The following ANKMY1 variants were observed in gnomAD, a reference collection of about 807,000 sequenced individuals.
ANKMY1 encodes the protein ankyrin repeat and MYND domain containing 1, also known as ankyrin repeat and MYND domain-containing protein 1.
ANKMY1 carries 98 observed loss-of-function variants against 102.0 expected under a neutral mutation model. That is an observed-to-expected ratio of 0.96 (90% confidence interval 0.82 to 1.14). The LOEUF (loss-of-function observed/expected upper bound fraction) is 1.14, where lower values mean the gene tolerates loss of function less well. ANKMY1 is among the 50% of genes most tolerant of loss of function. The pLI, the probability that ANKMY1 is intolerant of heterozygous loss-of-function variation, is 0.00. For synonymous variants in ANKMY1, 582 were observed against 559.9 expected (o/e 1.04, Z -0.56); for missense variants, 1,330 against 1,347.6 (o/e 0.99, Z 0.20).
Position 240,499,823 on chromosome 2 carries a change from A to G in ANKMY1, c.2806+135T>C. The stretch of plus-strand genomic sequence containing the variant: ...CCTTGGACGACGGGACACAAAGGGG[A>G]CAAGCCGACGAGCCCAGCCCCAGGA... On this transcript the variant is annotated intron_variant, in intron 15 of 17. Coordinates refer to ENST00000401804, the MANE Select transcript of ANKMY1 (RefSeq NM_001282771.3). The surrounding 1 kb of genome is among the most constrained non-coding windows in gnomAD (Gnocchi z 4.2). The G allele has an allele frequency of 1.7e-6, 2 of 1,164,788 alleles. No individual in the cohort carries two copies. The highest frequency in any genetic ancestry group is 5.2e-5 in the East Asian group (2 of 38,540). The allele number at this position is 1,164,788 out of a possible 1,614,324, so 72.2% of individuals were successfully genotyped here.
At chr2:240,483,415 C>T (rs1346222106) in intron 15 of ANKMY1, among the ~76,000 whole-genome samples, 1 of 152,158 alleles carries the variant, frequency 6.6e-6, no homozygotes, top group African/African-American at 2.4e-5. Flanking sequence ...CCTCGGCCTC[C>T]CAAAGTTCTG....
intron 12 of ANKMY1, among the ~76,000 whole-genome samples, chr2:240,508,190 G>A (rs960005272): frequency 9.9e-5 from 15 of 152,254 alleles, no homozygotes; most frequent in African/African-American, 2.4e-4. Context: ...GTGCCCAGCC[G>A]CCAGCTCAGA....
chr2:240,487,048 C>T (rs1487060294), intron 15 of ANKMY1, among the ~76,000 whole-genome samples: 3 of 152,146 alleles, frequency 2.0e-5, no homozygotes, highest in African/African-American at 7.2e-5. Context: ...TAATTCTACT[C>T]TGCTCTAAAA....
chr2:240,501,151 G>C (rs145265418), intron 13 of ANKMY1, among the ~76,000 whole-genome samples: 1 of 151,778 alleles, frequency 6.6e-6, no homozygotes, highest in Non-Finnish European at 1.5e-5. Flanking sequence ...GTGGGTGAGC[G>C]TGTGTGGATA....
the ANKMY1 span, among the ~76,000 whole-genome samples, chr2:240,470,652 A>G: frequency 6.6e-6 from 1 of 152,238 alleles, no homozygotes; most frequent in African/African-American, 2.4e-5. Context: ...ACGTCAAAAT[A>G]TGCAGCATCG....
At position 240,520,819 on chromosome 2, in the gene ANKMY1, A is replaced by G. The variant is rs976217530; in HGVS notation, c.1833-286T>C. On this transcript the variant is annotated intron_variant, in intron 8 of 17. Coordinates refer to ENST00000401804, the MANE Select transcript of ANKMY1 (RefSeq NM_001282771.3). The surrounding 1 kb of genome is among the most constrained non-coding windows in gnomAD (Gnocchi z 4.8). ...CACCACACAGTACACACAGCACACA[A>G]CCCCACACACAAGCCACACCAGAGC... Among the ~76,000 whole-genome samples the G allele has an allele frequency of 6.9e-6, 1 of 145,876 alleles. No individual in the cohort carries two copies. The highest frequency in any genetic ancestry group is 1.5e-5 in the Non-Finnish European group (1 of 65,918).
chr2:240,500,472 C>T lies in ANKMY1; in HGVS notation c.2620G>A (p.Gly874Ser), dbSNP rs749895703. The T allele has an allele frequency of 1.2e-6, 2 of 1,613,938 alleles. No homozygotes were observed. Among genetic ancestry groups the T allele is most frequent in the Non-Finnish European group, 8.5e-7 (1 of 1,179,956 alleles). Residue 874 changes from glycine to serine, a missense_variant, in exon 14 of 18, where the codon GGC becomes AGC. Physicochemically the swap from Gly to Ser is moderately conservative, Grantham distance 56. Coordinates refer to ENST00000401804, the MANE Select transcript of ANKMY1 (RefSeq NM_001282771.3). ...CCTACCTGGAAGAATCTGAAGTAGC[C>T]ATAGTCCACGGCTGTGCCCACTGCC... ...KEAVGTAVDY[G>S]YFRFFQDRRI...
chr2:240,559,480 TC>T (rs2092751595), upstream of ANKMY1, among the ~76,000 whole-genome samples: 1 of 152,144 alleles, frequency 6.6e-6, no homozygotes, highest in African/African-American at 2.4e-5. Flanking sequence ...CCAAGCTCAT[TC>T]CCAGAGCAGT....
chr2:240,522,289 A>G (rs553877035), intron 8 of ANKMY1: 1 of 152,326 alleles, frequency 6.6e-6, no homozygotes, highest in South Asian at 2.1e-4. Context: ...ACCTCTCAAT[A>G]ATGCTCACCA....
chr2:240,490,854 A>C (rs1030807302), intron 15 of ANKMY1, among the ~76,000 whole-genome samples: 1 of 152,144 alleles, frequency 6.6e-6, no homozygotes, highest in Non-Finnish European at 1.5e-5. Flanking sequence ...ATTTGGTCTG[A>C]TGTCCTGTTT....
intron 13 of ANKMY1, among the ~76,000 whole-genome samples, chr2:240,501,723 C>T (rs142117135): frequency 5.9e-5 from 9 of 152,338 alleles, no homozygotes; most frequent in African/African-American, 1.7e-4. Context: ...CAGTGCGGGA[C>T]GGTGGAATGG....
chr2:240,483,036 C>G (rs567953354), intron 15 of ANKMY1, among the ~76,000 whole-genome samples: 3 of 152,172 alleles, frequency 2.0e-5, no homozygotes, highest in African/African-American at 4.8e-5. Context: ...ATAAAATGTC[C>G]CTCTTTCTCA....
chr2:240,505,777 A>T (rs981222322), intron 13 of ANKMY1, among the ~76,000 whole-genome samples: 1 of 152,214 alleles, frequency 6.6e-6, no homozygotes, highest in Admixed American at 6.5e-5. Flanking sequence ...AAGCCCAGTC[A>T]GCTGATTTCA....
chr2:240,546,375 A>G (rs2090373184), intron 4 of ANKMY1, among the ~76,000 whole-genome samples: 1 of 152,230 alleles, frequency 6.6e-6, no homozygotes, highest in African/African-American at 2.4e-5. Flanking sequence ...AAACATGGAA[A>G]GGAACAACTG....
intron 7 of ANKMY1, among the ~76,000 whole-genome samples, 178 bp from the exon 8 acceptor site, chr2:240,524,559 G>T (rs951784408): frequency 6.6e-6 from 1 of 152,200 alleles, no homozygotes; most frequent in African/African-American, 2.4e-5. Flanking sequence ...CCCTGTGAAG[G>T]CATCGGACAG....
At position 240,557,268 on chromosome 2, in the gene ANKMY1, G is replaced by A. The variant is rs2092453322; in HGVS notation, c.68C>T (p.Pro23Leu). The change falls in exon 2 of 18, where the codon CCG (proline) becomes CTG (leucine). Residue 23 changes from proline to leucine, a missense_variant. Transcript: ENST00000401804. The stretch of plus-strand genomic sequence containing the variant: ...GGTCTCGCCGCCCTTCCCCTCTAGC[G>A]GGCGTTGGCGGCTGCCAGCCCCAGA... ...EVSGAGSRQR[P>L]LEGKGGETPA... 18 of 1,593,782 alleles carry A rather than the reference G, an allele frequency of 1.1e-5. No homozygotes were observed. The African/African-American group carries it at 1.2e-4, about 11-fold the overall frequency.
Position 240,499,879 on chromosome 2 carries a change from A to T in ANKMY1, c.2806+79T>A. The T allele has an allele frequency of 6.7e-7, 1 of 1,489,456 alleles. No homozygotes were observed. Among genetic ancestry groups the T allele is most frequent in the Non-Finnish European group, 9.0e-7 (1 of 1,112,154 alleles). 92.3% of individuals were successfully genotyped at this position (1,489,456 alleles called of 1,614,324 possible). On this transcript the variant is annotated intron_variant, in intron 15 of 17. Transcript: ENST00000401804. This position sits in a 1 kb window ranked among gnomAD's most constrained non-coding sequence, Gnocchi z 4.2. ...CCTCCAAGAGCCCCAGGGGGTCCAG[A>T]TCTCCAGGGATAACAGCCCCAGGCA...
Position 240,529,452 on chromosome 2 carries a change from T to TAC in ANKMY1, c.537_538insGT (p.Ser180ValfsTer71), listed in dbSNP as rs2084765006. ...CGGAACCACAGCCCCACGTCCTGGC[T>TAC]GCCATCGGGGTAGGTCTCGACACCT... On this transcript the variant is annotated frameshift_variant, in exon 5 of 18. Coordinates refer to ENST00000401804, the MANE Select transcript of ANKMY1 (RefSeq NM_001282771.3). LOFTEE classifies it high-confidence loss of function. This position sits in a 1 kb window ranked among gnomAD's most constrained non-coding sequence, Gnocchi z 4.2. 2.5e-6 allele frequency: 4 copies of TAC among 1,614,112 alleles called. No homozygotes were observed. The highest frequency in any genetic ancestry group is 3.4e-6 in the Non-Finnish European group (4 of 1,180,028).
At position 240,512,813 on chromosome 2, in the gene ANKMY1, T is replaced by C. The variant is rs1553572498; in HGVS notation, c.2134A>G (p.Lys712Glu). ...CGCGAGGTACACACCTTGCCGGGCT[T>C]GTAAGTGTCGTCCTCGTCGGATGCC... ...AKASDEDDTYKPGKLDLLPSS... is the reference protein window; with the variant it reads ...AKASDEDDTYEPGKLDLLPSS... Residue 712 changes from lysine to glutamate, a missense_variant, in exon 10 of 18, where the codon AAG (lysine) becomes GAG (glutamate). By Grantham distance (56) the Lys-to-Glu change is moderately conservative (BLOSUM62 1). Transcript: ENST00000401804. The C allele has an allele frequency of 1.2e-6, 2 of 1,613,854 alleles. No individual in the cohort carries two copies. Among genetic ancestry groups the C allele is most frequent in the Admixed American group, 3.3e-5 (2 of 59,990 alleles).
Sources: gnomAD v4.1 joint callset for allele counts (sites outside exome capture counted in the v4.1 genomes callset) on GRCh38, gnomAD v4.1.1 for gene constraint, Gnocchi (gnomAD v3.1) non-coding constraint, MANE v1.5 for transcripts, NCBI Gene and HGNC (gene_info 2026-07-23, HGNC 2026-07-21) for gene names.